Variants in MGAT4C observed in about 807,000 individuals in gnomAD.
MGAT4C encodes the protein alpha-1,3-mannosyl-glycoprotein 4-beta-N-acetylglucosaminyltransferase C.
In MGAT4C, 19 loss-of-function variants were observed where a neutral mutation model predicts 40.1. The ratio of observed to expected loss-of-function variants is 0.47; its 90% CI spans 0.33 to 0.70. The LOEUF (loss-of-function observed/expected upper bound fraction) is 0.70. MGAT4C is among the 30% of genes least tolerant of loss of function. MGAT4C has a pLI of 0.02. For synonymous variants in MGAT4C, 181 were observed against 187.1 expected, an observed-to-expected ratio of 0.97 and a Z score of 0.27; for missense variants, 491 against 563.2, an observed-to-expected ratio of 0.87 and a Z score of 1.30.
chr12:86,834,637 C>CACACACACACA (rs398020454), intron 1 of MGAT4C, among the ~76,000 whole-genome samples: 1 of 149,822 alleles, frequency 6.7e-6, no homozygotes, highest in Non-Finnish European at 1.5e-5. Context: ...CACACACACA[C>CACACACACACA]CCCTTTACAG....
intron 2 of MGAT4C, among the ~76,000 whole-genome samples, chr12:86,608,950 G>C (rs537251589): frequency 6.6e-6 from 1 of 152,044 alleles, no homozygotes; most frequent in East Asian, 1.9e-4. Context: ...TCAACAACCA[G>C]TTGAAACTCT....
At chr12:86,781,938 C>T (rs1245815096) in intron 1 of MGAT4C, among the ~76,000 whole-genome samples, 2 of 15,686 alleles carry the variant, frequency 1.3e-4, no homozygotes, top group Non-Finnish European at 1.1e-3. Context: ...TTTTACCTAA[C>T]TTAATTTTGA....
Position 86,473,502 on chromosome 12 carries a change from T to A in MGAT4C, c.-228-38237A>T, listed in dbSNP as rs569565612. Among the ~76,000 whole-genome samples the A allele has an allele frequency of 5.3e-5, 8 of 152,248 alleles. No individual in the cohort carries two copies. In the East Asian group the frequency reaches 1.2e-3, roughly 22 times the overall value. ...TACCAGAGATTGATGGAGAAAACAA[T>A]GTTACAATTAAGAAAAGATCTTGGA... On this transcript the variant is annotated intron_variant, in intron 2 of 7. Transcript: ENST00000548651.
intron 3 of MGAT4C, among the ~76,000 whole-genome samples, chr12:86,396,029 T>C (rs543527874): frequency 3.3e-5 from 5 of 152,318 alleles, no homozygotes; most frequent in East Asian, 3.9e-4. Context: ...CAATGAGTTG[T>C]GTTTTTTTCT....
intron 2 of MGAT4C, among the ~76,000 whole-genome samples, chr12:86,721,864 A>T (rs1565947909): frequency 1.3e-5 from 2 of 152,064 alleles, no homozygotes; most frequent in Non-Finnish European, 2.9e-5. Flanking sequence ...CTAATACTGT[A>T]TGTTTTAAAG....
intron 2 of MGAT4C, among the ~76,000 whole-genome samples, chr12:86,699,943 G>A (rs971237687): frequency 6.6e-6 from 1 of 151,698 alleles, no homozygotes; most frequent in Admixed American, 6.6e-5. Context: ...AGAGAGGTAG[G>A]AGCACTTGAT....
At chr12:86,161,713 C>T (rs923484830) in intron 1 of MGAT4C, among the ~76,000 whole-genome samples, 1 of 152,054 alleles carries the variant, frequency 6.6e-6, no homozygotes, top group African/African-American at 2.4e-5. Flanking sequence ...ACAGAGCAAA[C>T]AGACAACTTA....
intron 1 of MGAT4C, among the ~76,000 whole-genome samples, chr12:86,749,909 A>C (rs1951208044): frequency 6.6e-6 from 1 of 151,736 alleles, no homozygotes; most frequent in South Asian, 2.1e-4. Context: ...GGTGAGGATT[A>C]AGGTTTATTC....
At chr12:86,103,198 C>G (rs938224698) in intron 1 of MGAT4C, among the ~76,000 whole-genome samples, 4 of 152,118 alleles carry the variant, frequency 2.6e-5, no homozygotes, top group Non-Finnish European at 4.4e-5. Flanking sequence ...TCACAAAAAG[C>G]TGTGTTCCAA....
intron 2 of MGAT4C, among the ~76,000 whole-genome samples, chr12:86,512,963 A>T (rs1958619154): frequency 6.6e-6 from 1 of 152,190 alleles, no homozygotes; most frequent in Admixed American, 6.5e-5. Flanking sequence ...TGAGAAAAAC[A>T]GAATTGAGTT....
At chr12:86,356,174 G>T (rs961541569) in intron 3 of MGAT4C, among the ~76,000 whole-genome samples, 2 of 152,042 alleles carry the variant, frequency 1.3e-5, no homozygotes, top group Non-Finnish European at 2.9e-5. Flanking sequence ...AATATATTTT[G>T]AAAGAATCCA....
intron 1 of MGAT4C, among the ~76,000 whole-genome samples, chr12:86,774,285 T>TTC (rs1491313447): frequency 5.5e-5 from 1 of 18,240 alleles, no homozygotes. Flanking sequence ...GGCTTGCTCT[T>TTC]TCTTTCTTTC....
At chr12:86,489,351 G>T (rs890917580) in intron 2 of MGAT4C, among the ~76,000 whole-genome samples, 1 of 152,116 alleles carries the variant, frequency 6.6e-6, no homozygotes, top group Non-Finnish European at 1.5e-5. Context: ...CAGTTCATCT[G>T]TGTGACCTCT....
At chr12:86,712,895 A>G (rs985442215) in intron 2 of MGAT4C, among the ~76,000 whole-genome samples, 1 of 152,114 alleles carries the variant, frequency 6.6e-6, no homozygotes, top group Non-Finnish European at 1.5e-5. Flanking sequence ...CAGAAAACAA[A>G]AAGCCATCCT....
intron 2 of MGAT4C, among the ~76,000 whole-genome samples, chr12:86,573,918 C>T (rs1405259589): frequency 6.6e-6 from 1 of 151,850 alleles, no homozygotes; most frequent in Non-Finnish European, 1.5e-5. Context: ...GTAACTTGAA[C>T]AGATATCTTC....
intron 3 of MGAT4C, among the ~76,000 whole-genome samples, chr12:86,395,109 TAGTAA>T (rs1956235384): frequency 6.6e-6 from 1 of 152,236 alleles, no homozygotes; most frequent in East Asian, 1.9e-4. Flanking sequence ...TTACATAATT[TAGTAA>T]AGTAATGTAA....
intron 3 of MGAT4C, among the ~76,000 whole-genome samples, chr12:86,362,822 A>G (rs1157666207): frequency 7.0e-6 from 1 of 143,694 alleles, no homozygotes; most frequent in Non-Finnish European, 1.5e-5. Context: ...AGCCGAGATC[A>G]CGCTGCTGCA....
intron 1 of MGAT4C, among the ~76,000 whole-genome samples, chr12:86,110,499 A>G (rs1877183293): frequency 6.7e-6 from 1 of 149,936 alleles, no homozygotes; most frequent in African/African-American, 2.4e-5. Context: ...TATTTGAATG[A>G]AAAAATCTGG....
chr12:86,825,168 T>C (rs1378994224), intron 1 of MGAT4C, among the ~76,000 whole-genome samples: 1 of 151,176 alleles, frequency 6.6e-6, no homozygotes, highest in East Asian at 1.9e-4. Flanking sequence ...AGAAATGATA[T>C]AAACACCAAG....
Sources: gnomAD v4.1 joint callset for allele counts (sites outside exome capture counted in the v4.1 genomes callset) on GRCh38, gnomAD v4.1.1 for gene constraint, MANE v1.5 for transcripts, NCBI Gene and HGNC (gene_info 2026-07-23, HGNC 2026-07-21) for gene names.